The following SLC35F5 variants were observed in gnomAD, a reference collection of about 807,000 sequenced individuals.
SLC35F5 encodes solute carrier family 35 member F5.
In SLC35F5, 54 loss-of-function variants were observed where a neutral mutation model predicts 68.6. That is an observed-to-expected ratio of 0.79 (90% CI 0.63 to 0.99). The LOEUF (loss-of-function observed/expected upper bound fraction) is 0.99. SLC35F5 is among the 50% of genes least tolerant of loss of function. The pLI is 0.00. For synonymous variants in SLC35F5, 211 were observed against 205.2 expected (o/e 1.03, Z -0.24); for missense variants, 567 against 626.9 (o/e 0.90, Z 1.02).
At position 113,718,769 on chromosome 2, in the gene SLC35F5, T is replaced by G. The variant is rs1382638259; in HGVS notation, c.1496+385A>C. Among the ~76,000 whole-genome samples, 4 of 149,018 alleles carry G rather than the reference T, an allele frequency of 2.7e-5. No homozygotes were observed. The South Asian group carries it at 8.4e-4, about 31-fold the overall frequency. ...GAGATCGTGCCATTGCACTCCAGGC[T>G]GGGCTACAGAGCAAGACTCTGTCAA... is the stretch of plus-strand genomic sequence containing the variant. On this transcript the variant is annotated intron_variant, in intron 14 of 15. Coordinates refer to ENST00000245680, the MANE Select transcript of SLC35F5 (RefSeq NM_025181.5).
chr2:113,714,772 T>C lies in SLC35F5; in HGVS notation c.*446A>G, dbSNP rs1184321080. 6.6e-6 allele frequency: 1 copy of C among 152,464 alleles called. No homozygotes were observed. The highest frequency in any genetic ancestry group is 1.9e-4 in the East Asian group (1 of 5,200). 9.4% of individuals were successfully genotyped at this position (152,464 alleles called of 1,614,324 possible). On this transcript the variant is annotated 3_prime_UTR_variant, in exon 16 of 16. Transcript: ENST00000245680. Reference sequence around the variant, plus strand: ...AACCCAAAAATATAATCCACACTTATTACAGGTAGCTTATTTTAGCATTTT... The same window carrying C: ...AACCCAAAAATATAATCCACACTTACTACAGGTAGCTTATTTTAGCATTTT...
At chr2:113,723,077 T>C (rs763453969) in intron 13 of SLC35F5, 27 bp downstream of exon 13, 3 of 1,467,656 alleles carry the variant, frequency 2.0e-6, no homozygotes, top group Non-Finnish European at 9.2e-7. Context: ...ACCTAAAATA[T>C]CTATGAATAA....
downstream of SLC35F5, among the ~76,000 whole-genome samples, chr2:113,704,693 C>T (rs1686764438): frequency 6.6e-5 from 10 of 151,834 alleles, no homozygotes; most frequent in South Asian, 1.9e-3. Context: ...CTGCCGGCCG[C>T]TCCGAGTGCG....
chr2:113,744,773 A>G (rs1676420129), intron 5 of SLC35F5, among the ~76,000 whole-genome samples: 1 of 152,300 alleles, frequency 6.6e-6, no homozygotes, highest in South Asian at 2.1e-4. Flanking sequence ...TAATATTTAT[A>G]CTTTTAGAGA....
intron 5 of SLC35F5, among the ~76,000 whole-genome samples, chr2:113,744,621 T>G (rs1228801923): frequency 1.3e-5 from 2 of 152,062 alleles, no homozygotes; most frequent in African/African-American, 4.8e-5. Context: ...CGTGGTGGTG[T>G]GTGCCTGTAA....
chr2:113,750,593 C>G, intron 3 of SLC35F5, 25 bp from the exon 4 acceptor site: 1 of 1,587,070 alleles, frequency 6.3e-7, no homozygotes. Context: ...GTTACACAGA[C>G]AACTCTGAGA....
rs756172527 is a variant in SLC35F5, at chr2:113,755,215, T to C, written c.223A>G (p.Ile75Val). The C allele has an allele frequency of 1.2e-5, 20 of 1,613,894 alleles. No individual in the cohort carries two copies. The highest frequency in any genetic ancestry group is 1.7e-5 in the Non-Finnish European group (20 of 1,180,020). The change falls in exon 3 of 16, where the codon ATT (isoleucine) becomes GTT (valine). Residue 75 changes from isoleucine to valine, a missense_variant. By Grantham distance (29) the Ile-to-Val change is conservative. Coordinates refer to ENST00000245680, the MANE Select transcript of SLC35F5 (RefSeq NM_025181.5). ...QRRRMALGIV[I>V]LLLVDVIWVA... ...CATATCACATCAACAAGCAGAAGAA[T>C]AACAATCCCAAGAGCCATTCGCCTG...
At chr2:113,756,345 T>C (rs979834734) in intron 1 of SLC35F5, 25 bp downstream of exon 1, 1 of 1,564,130 alleles carries the variant, frequency 6.4e-7, no homozygotes, top group Non-Finnish European at 8.7e-7. Context: ...TCCGGTGATG[T>C]CGGGGCCCTT....
intron 1 of SLC35F5, chr2:113,755,974 G>C: frequency 6.5e-7 from 1 of 1,547,916 alleles, no homozygotes; most frequent in Non-Finnish European, 8.7e-7. Flanking sequence ...GTGATTTGCT[G>C]TGGGTCTTGA....
At chr2:113,716,578 C>T (rs973144496) in intron 15 of SLC35F5, among the ~76,000 whole-genome samples, 1 of 152,034 alleles carries the variant, frequency 6.6e-6, no homozygotes, top group Non-Finnish European at 1.5e-5. Context: ...AATCTGTCCT[C>T]GTTGATCTTA....
chr2:113,756,430 G>A lies in SLC35F5; in HGVS notation c.-21C>T. ...ACCATGAGCGGACCGGTCAGGCCCC[G>A]CAGCCGCCCAGCGCCACGGCCGCGG... On this transcript the variant is annotated 5_prime_UTR_variant, in exon 1 of 16. Coordinates refer to ENST00000245680, the MANE Select transcript of SLC35F5 (RefSeq NM_025181.5). The A allele has an allele frequency of 6.5e-7, 1 of 1,544,546 alleles. No homozygotes were observed. Among genetic ancestry groups the A allele is most frequent in the East Asian group, 2.4e-5 (1 of 40,982 alleles).
chr2:113,728,094 T>G (rs1047036891), intron 11 of SLC35F5, among the ~76,000 whole-genome samples: 10 of 152,124 alleles, frequency 6.6e-5, no homozygotes, highest in African/African-American at 2.4e-4. Flanking sequence ...TGGACTCAAG[T>G]GATTCTCCTG....
At chr2:113,730,430 C>T (rs1687837031) in intron 10 of SLC35F5, among the ~76,000 whole-genome samples, 1 of 152,134 alleles carries the variant, frequency 6.6e-6, no homozygotes, top group Non-Finnish European at 1.5e-5. Flanking sequence ...CATACACATG[C>T]ACATACCAAA....
rs997177211 is a variant in SLC35F5 at position 113,748,368 on chromosome 2, T to C, written c.418-2029A>G. On this transcript the variant is annotated intron_variant, in intron 4 of 15. Transcript: ENST00000245680. The stretch of plus-strand genomic sequence containing the variant: ...TTTTAGTTGAGACAGAGTTTCACCA[T>C]GTTAGCCAGGCTGGTCTCAAACTCC... Among the ~76,000 whole-genome samples the C allele has an allele frequency of 6.6e-5, 10 of 152,220 alleles. 1 individual carries two copies. The highest frequency in any genetic ancestry group is 9.6e-5 in the African/African-American group (4 of 41,544).
chr2:113,721,386 T>C (rs1051538946), intron 13 of SLC35F5: 1 of 153,994 alleles, frequency 6.5e-6, no homozygotes, highest in African/African-American at 2.4e-5. Context: ...AGTTTGGTTA[T>C]GTTTTTATAA....
chr2:113,712,157 A>C lies in SLC35F5; in HGVS notation c.*3061T>G, dbSNP rs1363943268. Among the ~76,000 whole-genome samples, 2 of 152,228 alleles carry C rather than the reference A, an allele frequency of 1.3e-5. No individual in the cohort carries two copies. Among genetic ancestry groups the C allele is most frequent in the Non-Finnish European group, 2.9e-5 (2 of 68,028 alleles). On this transcript the variant is annotated 3_prime_UTR_variant, in exon 16 of 16. Transcript: ENST00000245680. ...ACAATGAACTTATTTGTCAGCTGCC[A>C]GGGGGAAAATCAGCTTAATGTAAAG... is the stretch of plus-strand genomic sequence containing the variant.
intron 10 of SLC35F5, among the ~76,000 whole-genome samples, chr2:113,730,117 A>T (rs1028592812): frequency 6.6e-6 from 1 of 152,174 alleles, no homozygotes; most frequent in Non-Finnish European, 1.5e-5. Context: ...GCTTCATTTT[A>T]TAAATCTCAT....
At chr2:113,723,650 C>T (rs1687543191) in intron 12 of SLC35F5, among the ~76,000 whole-genome samples, 1 of 152,160 alleles carries the variant, frequency 6.6e-6, no homozygotes, top group Admixed American at 6.6e-5. Flanking sequence ...ATCTCACCTT[C>T]ATGAACACTA....
intron 3 of SLC35F5, among the ~76,000 whole-genome samples, chr2:113,753,180 T>TC (rs1463209137): frequency 1.5e-5 from 2 of 132,342 alleles, no homozygotes; most frequent in Non-Finnish European, 3.3e-5. Flanking sequence ...TTTTTTTTTT[T>TC]TTTTTTTTTT....
Sources: gnomAD v4.1 joint callset for allele counts (sites outside exome capture counted in the v4.1 genomes callset) on GRCh38, gnomAD v4.1.1 for gene constraint, MANE v1.5 for transcripts, NCBI Gene and HGNC (gene_info 2026-07-23, HGNC 2026-07-21) for gene names.